The following KIAA0586 variants were observed in gnomAD, a reference collection of about 807,000 sequenced individuals.
The protein encoded by KIAA0586 is protein TALPID3.
Under a neutral mutation model 169.8 loss-of-function variants are expected in KIAA0586, and 144 were observed. The observed-to-expected ratio is 0.85, with a 90% CI of 0.74 to 0.97. KIAA0586 has a LOEUF of 0.97. Ranked by LOEUF, KIAA0586 falls within the 50% of genes least tolerant of loss-of-function variation. The probability of loss-of-function intolerance (pLI) is 0.00; values close to 1 mark genes in which losing one functional copy is unlikely to be tolerated. For synonymous variants in KIAA0586, 625 were observed against 612.4 expected (o/e 1.02, Z -0.30); for missense variants, 1,854 against 1,823.0 (o/e 1.02, Z -0.31).
intron 19 of KIAA0586, among the ~76,000 whole-genome samples, chr14:58,476,000 A>T (rs1399382571): frequency 6.6e-6 from 1 of 152,178 alleles, no homozygotes; most frequent in South Asian, 2.1e-4. Context: ...CGGGAGACTG[A>T]GACAGGAGAA....
intron 8 of KIAA0586, among the ~76,000 whole-genome samples, 196 bp downstream of exon 8, chr14:58,450,942 G>A (rs1022901315): frequency 1.1e-4 from 16 of 151,074 alleles, no homozygotes; most frequent in Non-Finnish European, 1.5e-4. Context: ...ATCTTTTACA[G>A]GTTATTATTA....
At chr14:58,439,550 C>T (rs1566784747) in intron 4 of KIAA0586, among the ~76,000 whole-genome samples, 1 of 152,260 alleles carries the variant, frequency 6.6e-6, no homozygotes, top group East Asian at 1.9e-4. Flanking sequence ...CTGTGGACTG[C>T]AATTTCTTCA....
At chr14:58,452,126 G>C (rs1416902113) in intron 8 of KIAA0586, among the ~76,000 whole-genome samples, 1 of 152,114 alleles carries the variant, frequency 6.6e-6, no homozygotes, top group Non-Finnish European at 1.5e-5. Flanking sequence ...GGGGACTTGT[G>C]GGGAAAGGGT....
chr14:58,515,708 G>C (rs1020239033), intron 29 of KIAA0586, among the ~76,000 whole-genome samples: 1 of 152,072 alleles, frequency 6.6e-6, no homozygotes, highest in Non-Finnish European at 1.5e-5. Context: ...AGACTAATAA[G>C]TGTGCCAAAA....
intron 16 of KIAA0586, among the ~76,000 whole-genome samples, chr14:58,468,744 T>C (rs776202817): frequency 5.3e-5 from 8 of 152,236 alleles, no homozygotes; most frequent in Non-Finnish European, 1.2e-4. Context: ...AGGAGGCAAC[T>C]GTAGGAAAGC....
At chr14:58,555,075 C>G (rs2047234878), downstream of KIAA0586, among the ~76,000 whole-genome samples, 3 of 146,802 alleles carry the variant, frequency 2.0e-5, no homozygotes, top group African/African-American at 7.5e-5. Flanking sequence ...TCTGAAACAT[C>G]TGTAGATTTC....
chr14:58,478,429 G>A (rs1463052597), intron 20 of KIAA0586, among the ~76,000 whole-genome samples: 2 of 152,176 alleles, frequency 1.3e-5, no homozygotes, highest in Non-Finnish European at 2.9e-5. Context: ...GTTGCAGTGA[G>A]CCAAGGTCAC....
chr14:58,482,115 A>G (rs1566871269), intron 20 of KIAA0586, among the ~76,000 whole-genome samples: 1 of 150,522 alleles, frequency 6.6e-6, no homozygotes, highest in Non-Finnish European at 1.5e-5. Flanking sequence ...CCCGGCCGGC[A>G]TCTCTGAACT....
intron 29 of KIAA0586, among the ~76,000 whole-genome samples, chr14:58,537,786 T>C (rs186938105): frequency 3.9e-3 from 586 of 152,176 alleles, no homozygotes; most frequent in Middle Eastern, 0.01. Context: ...TAGCTGGGAC[T>C]ACAGGTGCCT....
intron 29 of KIAA0586, among the ~76,000 whole-genome samples, chr14:58,523,465 T>G (rs1344985838): frequency 6.6e-6 from 1 of 152,116 alleles, no homozygotes; most frequent in Non-Finnish European, 1.5e-5. Context: ...TTATTATGAT[T>G]TTTAAAATAG....
intron 30 of KIAA0586, 71 bp from the exon 31 acceptor site, chr14:58,547,710 T>C: frequency 1.6e-6 from 2 of 1,268,292 alleles, no homozygotes; most frequent in East Asian, 3.0e-5. Context: ...CTCATATTAT[T>C]TCGCAAAGCA....
intron 27 of KIAA0586, among the ~76,000 whole-genome samples, chr14:58,506,513 G>T (rs1214895602): frequency 8.6e-5 from 13 of 151,526 alleles, no homozygotes; most frequent in African/African-American, 2.9e-4. Flanking sequence ...ATGGTGAAAC[G>T]CTGCCTCTAC....
rs1343472290 is a variant in KIAA0586 at position 58,549,069 on chromosome 14, G to A, written c.*1137G>A. ...TCTTGAGGGATTTCAGTACTGTATA[G>A]TAGAGGGCATAAGCACATGAAAAGA... On this transcript the variant is annotated 3_prime_UTR_variant, in exon 31 of 31. Coordinates refer to ENST00000652326, the MANE Select transcript of KIAA0586 (RefSeq NM_001329943.3). The A allele has an allele frequency of 6.6e-6, 1 of 152,092 alleles. No homozygotes were observed. Among genetic ancestry groups the A allele is most frequent in the African/African-American group, 2.4e-5 (1 of 41,412 alleles). The allele number at this position is 152,092 out of a possible 1,614,324, so 9.4% of individuals were successfully genotyped here.
rs1448650391 is a variant in KIAA0586, at chr14:58,498,820, A to G, written c.4028A>G (p.Gln1343Arg). 11 of 1,610,798 alleles carry G rather than the reference A, an allele frequency of 6.8e-6. No individual in the cohort carries two copies. The East Asian group carries it at 2.2e-4, about 33-fold the overall frequency. The change falls in exon 27 of 31, where the codon CAA becomes CGA. Residue 1343 changes from glutamine to arginine, a missense_variant. Transcript: ENST00000652326. ...AGTGTGGGTGAACTTAGTGAAGGAC[A>G]AAGACCCCAGCTAACAGCGGCAGCA... ...ENSVGELSEGQRPQLTAAAEN... is the reference protein window; with the variant it reads ...ENSVGELSEGRRPQLTAAAEN...
chr14:58,455,431 A>G (rs1230107587), intron 9 of KIAA0586, among the ~76,000 whole-genome samples: 5 of 152,170 alleles, frequency 3.3e-5, no homozygotes, highest in African/African-American at 9.7e-5. Flanking sequence ...CATTTTAAAT[A>G]ATACAGTGTG....
chr14:58,445,502 C>T (rs967914215), intron 6 of KIAA0586, among the ~76,000 whole-genome samples: 2 of 144,246 alleles, frequency 1.4e-5, no homozygotes, highest in East Asian at 2.0e-4. Flanking sequence ...GGTGTGTTTT[C>T]GGCTCACTGC....
chr14:58,560,956 A>G, the KIAA0586 span, among the ~76,000 whole-genome samples: 1 of 152,200 alleles, frequency 6.6e-6, no homozygotes, highest in Non-Finnish European at 1.5e-5. Flanking sequence ...CAATAAGAAA[A>G]GGGGCATATA....
At chr14:58,474,569 A>G in intron 18 of KIAA0586, 38 bp from the exon 19 acceptor site, 3 of 1,414,402 alleles carry the variant, frequency 2.1e-6, no homozygotes, top group Non-Finnish European at 2.8e-6. Flanking sequence ...TGTTGAACAA[A>G]TACATGAATA....
In KIAA0586 at chr14:58,485,545, A is replaced by G. The variant is rs377034001; in HGVS notation, c.3145-1462A>G. Among the ~76,000 whole-genome samples, 6 of 152,298 alleles carry G rather than the reference A, an allele frequency of 3.9e-5. 1 individual carries two copies. The highest frequency in any genetic ancestry group is 2.9e-5 in the Non-Finnish European group (2 of 68,016). On this transcript the variant is annotated intron_variant, in intron 21 of 30. Coordinates refer to ENST00000652326, the MANE Select transcript of KIAA0586 (RefSeq NM_001329943.3). Reference sequence around the variant, plus strand: ...AGTCCCACTTCTGGGAACTTATTCCATAGATATATCCATATATCATACATA... The same window carrying G: ...AGTCCCACTTCTGGGAACTTATTCCGTAGATATATCCATATATCATACATA...
Sources: allele counts gnomAD v4.1 joint callset (sites outside exome capture counted in the v4.1 genomes callset), GRCh38; gene constraint gnomAD v4.1.1; transcripts MANE v1.5; gene names NCBI Gene and HGNC (gene_info 2026-07-23, HGNC 2026-07-21).